The following CNTN5 variants were observed in gnomAD, a reference collection of about 807,000 sequenced individuals.
The protein encoded by CNTN5 is contactin 5, also known as contactin-5.
CNTN5 carries 77 observed loss-of-function variants against 129.1 expected under a neutral mutation model. The observed-to-expected ratio is 0.60, with a 90% CI of 0.50 to 0.72. The LOEUF (loss-of-function observed/expected upper bound fraction) is 0.72, where lower values mean the gene tolerates loss of function less well. Ranked by LOEUF, CNTN5 falls within the 30% of genes least tolerant of loss-of-function variation. CNTN5 has a pLI of 0.00. For missense variants in CNTN5, 1,478 were observed against 1,328.8 expected, an observed-to-expected ratio of 1.11 and a Z score of -1.75; for synonymous variants, 509 against 465.6, an observed-to-expected ratio of 1.09 and a Z score of -1.20.
intron 3 of CNTN5, among the ~76,000 whole-genome samples, chr11:99,577,330 T>A (rs985908681): frequency 2.6e-5 from 4 of 152,178 alleles, no homozygotes; most frequent in African/African-American, 9.6e-5. Context: ...CAAGCACTCA[T>A]ATTCTACAAC....
At chr11:99,143,991 C>T (rs1243463898) in intron 1 of CNTN5, among the ~76,000 whole-genome samples, 3 of 152,072 alleles carry the variant, frequency 2.0e-5, no homozygotes, top group East Asian at 3.9e-4. Flanking sequence ...TTTTCTTATT[C>T]TTATTTTTTC....
At chr11:99,063,229 T>C (rs533133854) in intron 1 of CNTN5, among the ~76,000 whole-genome samples, 52 of 152,050 alleles carry the variant, frequency 3.4e-4, no homozygotes, top group Non-Finnish European at 6.6e-4. Flanking sequence ...AATGGGAAGA[T>C]GACGATAAAT....
intron 1 of CNTN5, among the ~76,000 whole-genome samples, chr11:99,209,513 G>A (rs897365317): frequency 6.6e-6 from 1 of 152,040 alleles, no homozygotes; most frequent in Non-Finnish European, 1.5e-5. Context: ...TCATCATCAA[G>A]GGGATGACAC....
At chr11:100,328,561 AG>A (rs1799079899) in intron 21 of CNTN5, among the ~76,000 whole-genome samples, 1 of 152,204 alleles carries the variant, frequency 6.6e-6, no homozygotes, top group Non-Finnish European at 1.5e-5. Flanking sequence ...CCAGAGAAGA[AG>A]GAAGAGACAG....
chr11:99,773,991 T>C (rs993011763), intron 3 of CNTN5, among the ~76,000 whole-genome samples: 1 of 152,148 alleles, frequency 6.6e-6, no homozygotes, highest in Non-Finnish European at 1.5e-5. Flanking sequence ...TTGTATGATA[T>C]AAAGTTCCAT....
At chr11:99,551,249 G>A (rs928694154) in intron 2 of CNTN5, among the ~76,000 whole-genome samples, 3 of 152,086 alleles carry the variant, frequency 2.0e-5, no homozygotes, top group Admixed American at 2.0e-4. Flanking sequence ...TATATATTCT[G>A]TATATTAAGA....
intron 18 of CNTN5, 61 bp downstream of exon 18, chr11:100,271,302 T>A (rs1333422249): frequency 7.8e-7 from 1 of 1,287,762 alleles, no homozygotes. Context: ...GAAAGTGAGT[T>A]GAATTAACCA....
intron 8 of CNTN5, among the ~76,000 whole-genome samples, chr11:99,966,884 A>G (rs767027462): frequency 2.3e-4 from 35 of 152,158 alleles, no homozygotes; most frequent in Non-Finnish European, 4.4e-5. Context: ...ATATATGAAT[A>G]TGTATCTGTG....
At chr11:100,309,711 T>C in intron 21 of CNTN5, 1 of 984,894 alleles carries the variant, frequency 1.0e-6, no homozygotes, top group East Asian at 1.1e-4. Context: ...AATGTTTGTG[T>C]GGCACAATTA....
intron 1 of CNTN5, among the ~76,000 whole-genome samples, chr11:99,241,920 G>GCA (rs941047052): frequency 6.6e-6 from 1 of 151,836 alleles, no homozygotes; most frequent in Non-Finnish European, 1.5e-5. Context: ...GAGGAATACA[G>GCA]CACACACACA....
At chr11:99,123,759 G>A (rs1004190377) in intron 1 of CNTN5, among the ~76,000 whole-genome samples, 29 of 151,058 alleles carry the variant, frequency 1.9e-4, no homozygotes, top group Non-Finnish European at 2.7e-4. Context: ...TCAATCTTCT[G>A]CCTATGGCTA....
At chr11:100,156,695 A>AACTTCTT (rs1205040848) in intron 13 of CNTN5, among the ~76,000 whole-genome samples, 1 of 152,008 alleles carries the variant, frequency 6.6e-6, no homozygotes, top group Non-Finnish European at 1.5e-5. Flanking sequence ...TCAGGGATTC[A>AACTTCTT]ACTTCTTCCT....
chr11:99,710,421 G>A (rs1431715014), intron 3 of CNTN5, among the ~76,000 whole-genome samples: 1 of 151,782 alleles, frequency 6.6e-6, no homozygotes, highest in African/African-American at 2.4e-5. Context: ...TGAGTTAAGG[G>A]TGTGTGTCTG....
chr11:99,050,044 T>A (rs1382653689), intron 1 of CNTN5, among the ~76,000 whole-genome samples: 1 of 152,138 alleles, frequency 6.6e-6, no homozygotes, highest in East Asian at 1.9e-4. Flanking sequence ...AACTACTTTT[T>A]GTTTTATAGC....
intron 15 of CNTN5, among the ~76,000 whole-genome samples, chr11:100,221,855 A>C (rs531435828): frequency 5.9e-5 from 9 of 152,324 alleles, no homozygotes; most frequent in African/African-American, 1.9e-4. Flanking sequence ...CAAGAAAACA[A>C]AGGGTAATTC....
chr11:99,911,273 A>T (rs1290409187), intron 6 of CNTN5, among the ~76,000 whole-genome samples: 1 of 152,006 alleles, frequency 6.6e-6, no homozygotes, highest in Non-Finnish European at 1.5e-5. Flanking sequence ...TCCTTGGAGC[A>T]CTGATAGTCT....
chr11:100,110,185 TAA>T (rs1294435145), intron 13 of CNTN5, among the ~76,000 whole-genome samples: 12 of 118,438 alleles, frequency 1.0e-4, no homozygotes, highest in Non-Finnish European at 1.1e-4. Flanking sequence ...AGACCCTATC[TAA>T]AAAAAAAAAA....
At chr11:99,181,861 TG>T (rs1438039292) in intron 1 of CNTN5, among the ~76,000 whole-genome samples, 1 of 152,146 alleles carries the variant, frequency 6.6e-6, no homozygotes, top group Non-Finnish European at 1.5e-5. Flanking sequence ...GAAATTTCCT[TG>T]GGGGTTAATT....
At chr11:100,120,640 G>C (rs184119017) in intron 13 of CNTN5, among the ~76,000 whole-genome samples, 1 of 151,900 alleles carries the variant, frequency 6.6e-6, no homozygotes, top group East Asian at 1.9e-4. Context: ...ACAAAGTGAA[G>C]ACAAGGTTTA....
Sources: allele counts gnomAD v4.1 joint callset (sites outside exome capture counted in the v4.1 genomes callset), GRCh38; gene constraint gnomAD v4.1.1; transcripts MANE v1.5; gene names NCBI Gene and HGNC (gene_info 2026-07-23, HGNC 2026-07-21).